SPPL3: variants seen among roughly 807,000 people sequenced by gnomAD.
The protein encoded by SPPL3 is signal peptide peptidase like 3.
Under a neutral mutation model 42.4 loss-of-function variants are expected in SPPL3, and 5 were observed. The ratio of observed to expected loss-of-function variants is 0.12; its 90% CI spans 0.06 to 0.25. The LOEUF is 0.25. Among genes scored for constraint, SPPL3 ranks in the 10% least tolerant of loss-of-function variants. The probability of loss-of-function intolerance (pLI) is 1.00; values close to 1 mark genes in which losing one functional copy is unlikely to be tolerated. For missense variants in SPPL3, 235 were observed against 489.0 expected (o/e 0.48, Z 4.90); for synonymous variants, 195 against 181.8 (o/e 1.07, Z -0.58).
chr12:120,876,204 T>C (rs1159157599), intron 1 of SPPL3, among the ~76,000 whole-genome samples: 1 of 151,852 alleles, frequency 6.6e-6, no homozygotes, highest in Non-Finnish European at 1.5e-5. Flanking sequence ...AAGACTGAAA[T>C]AATACAAAGC....
chr12:120,882,322 A>G (rs913009336), intron 1 of SPPL3, among the ~76,000 whole-genome samples: 6 of 152,148 alleles, frequency 3.9e-5, no homozygotes, highest in Non-Finnish European at 8.8e-5. Flanking sequence ...GGAAGATTAA[A>G]AAGTTCTGGA....
intron 1 of SPPL3, among the ~76,000 whole-genome samples, chr12:120,840,230 A>G (rs1871769990): frequency 7.8e-6 from 1 of 128,250 alleles, no homozygotes; most frequent in African/African-American, 2.8e-5. Flanking sequence ...GTGAGCTGAG[A>G]TTGCACCACT....
Position 120,766,439 on chromosome 12 carries a change from A to T in SPPL3, c.974-67T>A, listed in dbSNP as rs1197649445. The T allele has an allele frequency of 6.2e-6, 8 of 1,286,538 alleles. No individual in the cohort carries two copies. In the African/African-American group the frequency reaches 1.2e-4, roughly 19 times the overall value. The allele number at this position is 1,286,538 out of a possible 1,614,324, so 79.7% of individuals were successfully genotyped here. On this transcript the variant is annotated intron_variant, in intron 9 of 10. Coordinates refer to ENST00000353487, the MANE Select transcript of SPPL3 (RefSeq NM_139015.5). ...CCGTGTCACCTGGCTGCTGCTGGGC[A>T]AAGTCCTGCAACTGTACAGATCTAA... is the stretch of plus-strand genomic sequence containing the variant.
chr12:120,859,678 G>A (rs7315439), intron 1 of SPPL3, among the ~76,000 whole-genome samples: 23,030 of 151,810 alleles, frequency 0.15, 2,972 homozygotes, highest in East Asian at 0.4. Flanking sequence ...AGCTGGGGCC[G>A]GGTGCAGTGG....
intron 1 of SPPL3, among the ~76,000 whole-genome samples, chr12:120,823,468 C>T (rs925451604): frequency 1.3e-5 from 2 of 152,126 alleles, no homozygotes; most frequent in Non-Finnish European, 2.9e-5. Flanking sequence ...GCTCCCCTTG[C>T]AGGATCTGAC....
chr12:120,765,106 A>G (rs1417390278), intron 10 of SPPL3, 36 bp from the exon 11 acceptor site: 1 of 1,607,802 alleles, frequency 6.2e-7, no homozygotes, highest in Non-Finnish European at 8.5e-7. Context: ...TACAGATTTA[A>G]ACATGAGGCA....
intron 1 of SPPL3, among the ~76,000 whole-genome samples, chr12:120,882,598 G>C (rs930227317): frequency 1.1e-4 from 16 of 152,222 alleles, no homozygotes; most frequent in African/African-American, 3.6e-4. Context: ...ATTGAATACA[G>C]TGGTCTCCTA....
chr12:120,888,208 T>A (rs1165698630), intron 1 of SPPL3, among the ~76,000 whole-genome samples: 1 of 152,148 alleles, frequency 6.6e-6, no homozygotes, highest in Non-Finnish European at 1.5e-5. Context: ...CCTGAGTAGC[T>A]GGGATTACAG....
intron 2 of SPPL3, among the ~76,000 whole-genome samples, chr12:120,809,215 G>A (rs1023839600): frequency 1.3e-5 from 2 of 152,092 alleles, no homozygotes; most frequent in Non-Finnish European, 2.9e-5. Context: ...CGTGGTGGCG[G>A]GCGCCTGTAG....
intron 1 of SPPL3, chr12:120,835,554 C>A (rs1871589771): frequency 1.3e-5 from 2 of 152,230 alleles, no homozygotes; most frequent in Admixed American, 1.3e-4. Flanking sequence ...TCAGAAAAAT[C>A]TTGAGAAAAT....
intron 6 of SPPL3, among the ~76,000 whole-genome samples, chr12:120,773,670 C>G (rs1282153246): frequency 6.6e-6 from 1 of 152,202 alleles, no homozygotes; most frequent in South Asian, 2.1e-4. Context: ...CTGTCGCCCA[C>G]GCTGAGTGCA....
chr12:120,845,179 C>A (rs1592992005), intron 1 of SPPL3: 1 of 463,992 alleles, frequency 2.2e-6, no homozygotes, highest in East Asian at 7.5e-5. Context: ...ACTGGTGGCA[C>A]AGGTGGCCTG....
At chr12:120,837,339 GA>G (rs1226190965) in intron 1 of SPPL3, among the ~76,000 whole-genome samples, 1 of 152,220 alleles carries the variant, frequency 6.6e-6, no homozygotes, top group Non-Finnish European at 1.5e-5. Context: ...TATTGTCAAA[GA>G]GGTACTTTCC....
At chr12:120,773,748 C>T (rs1198779806) in intron 6 of SPPL3, among the ~76,000 whole-genome samples, 3 of 152,212 alleles carry the variant, frequency 2.0e-5, no homozygotes, top group Non-Finnish European at 4.4e-5. Context: ...TGACTACCAG[C>T]GCCCGCCACC....
intron 2 of SPPL3, among the ~76,000 whole-genome samples, chr12:120,796,400 GTATC>G (rs771199528): frequency 1.5e-4 from 23 of 152,084 alleles, no homozygotes; most frequent in Non-Finnish European, 2.6e-4. Context: ...TAATCTCCAT[GTATC>G]TATCTAACTT....
intron 1 of SPPL3, among the ~76,000 whole-genome samples, chr12:120,892,837 C>T (rs991950945): frequency 4.0e-5 from 6 of 151,454 alleles, no homozygotes; most frequent in African/African-American, 1.5e-4. Flanking sequence ...AAAAAATTAG[C>T]CGGGCATGGT....
intron 2 of SPPL3, among the ~76,000 whole-genome samples, chr12:120,803,778 C>T (rs752356142): frequency 5.3e-5 from 8 of 152,076 alleles, no homozygotes; most frequent in Non-Finnish European, 7.4e-5. Flanking sequence ...TGTCTACACA[C>T]GCTGCAATGG....
intron 6 of SPPL3, among the ~76,000 whole-genome samples, chr12:120,780,109 T>G (rs1869474754): frequency 6.6e-6 from 1 of 151,322 alleles, no homozygotes; most frequent in South Asian, 2.1e-4. Context: ...CCCAGTGCTT[T>G]GTAGAGATGC....
chr12:120,866,990 A>C (rs1029134863), intron 1 of SPPL3, among the ~76,000 whole-genome samples: 4 of 152,210 alleles, frequency 2.6e-5, no homozygotes, highest in African/African-American at 9.7e-5. Context: ...TTAGTGCTTG[A>C]GTGATAATCC....
Sources: gnomAD v4.1 joint callset for allele counts (sites outside exome capture counted in the v4.1 genomes callset) on GRCh38, gnomAD v4.1.1 for gene constraint, MANE v1.5 for transcripts, NCBI Gene and HGNC (gene_info 2026-07-23, HGNC 2026-07-21) for gene names.